FHL2: variants seen among roughly 807,000 people sequenced by gnomAD.
FHL2 encodes the protein four and a half LIM domains 2, also known as four and a half LIM domains protein 2.
A neutral mutation model predicts 32.7 loss-of-function variants in FHL2; 20 were observed. That is an observed-to-expected ratio of 0.61 (90% CI 0.43 to 0.89). The LOEUF (loss-of-function observed/expected upper bound fraction) is 0.89, where lower values mean the gene tolerates loss of function less well. Ranked by LOEUF, FHL2 falls within the 40% of genes least tolerant of loss-of-function variation. FHL2 has a pLI of 0.00. For missense variants in FHL2, 311 were observed against 358.6 expected (o/e 0.87, Z 1.07); for synonymous variants, 123 against 128.1 (o/e 0.96, Z 0.27).
intron 2 of FHL2, among the ~76,000 whole-genome samples, chr2:105,392,517 G>A (rs985810870): frequency 6.6e-6 from 1 of 152,016 alleles, no homozygotes; most frequent in African/African-American, 2.4e-5. Flanking sequence ...TAAAAAGGAT[G>A]TAAGAATAAA....
intron 1 of FHL2, among the ~76,000 whole-genome samples, chr2:105,428,859 G>T (rs893678894): frequency 1.3e-5 from 2 of 152,246 alleles, no homozygotes; most frequent in African/African-American, 4.8e-5. Context: ...CACCCTGTTG[G>T]ATGGGAGGCA....
intron 1 of FHL2, among the ~76,000 whole-genome samples, chr2:105,406,286 A>G (rs546602287): frequency 4.3e-4 from 66 of 152,272 alleles, no homozygotes; most frequent in Non-Finnish European, 8.1e-4. Context: ...TAACACTATA[A>G]ATATACTTGG....
At chr2:105,398,722 C>T (rs773218135) in intron 1 of FHL2, 120 bp downstream of exon 1, 13 of 722,772 alleles carry the variant, frequency 1.8e-5, no homozygotes, top group African/African-American at 3.7e-5. Flanking sequence ...CCCCAGGGTT[C>T]GGCTCTCCTC....
intron 3 of FHL2, chr2:105,378,335 G>C (rs1681625091): frequency 2.6e-6 from 1 of 382,142 alleles, no homozygotes; most frequent in Admixed American, 3.2e-5. Context: ...GAGACCTTCT[G>C]CAGGCGCAGC....
chr2:105,363,068 T>C, intron 6 of FHL2: 1 of 555,502 alleles, frequency 1.8e-6, no homozygotes, highest in South Asian at 2.4e-5. Flanking sequence ...GGCCATATGG[T>C]TGTGATCAGG....
chr2:105,425,784 T>A (rs986495522), intron 1 of FHL2, among the ~76,000 whole-genome samples: 8 of 152,034 alleles, frequency 5.3e-5, no homozygotes, highest in African/African-American at 1.2e-4. Flanking sequence ...CATAGATTCT[T>A]TTGCTCACAT....
chr2:105,380,121 A>G (rs1681774888), intron 3 of FHL2, among the ~76,000 whole-genome samples: 1 of 152,206 alleles, frequency 6.6e-6, no homozygotes, highest in Non-Finnish European at 1.5e-5. Flanking sequence ...AGAGGAAGGT[A>G]ACTCAATACT....
upstream of FHL2, chr2:105,399,074 C>A: frequency 6.7e-7 from 1 of 1,489,432 alleles, no homozygotes; most frequent in Admixed American, 2.4e-5. Flanking sequence ...AGCTCCCGCC[C>A]TCGAGAAACC....
chr2:105,431,588 G>C (rs930948608), intron 1 of FHL2, among the ~76,000 whole-genome samples: 2 of 152,230 alleles, frequency 1.3e-5, no homozygotes, highest in African/African-American at 4.8e-5. Context: ...TAGATGGACA[G>C]AGAGAGAAGG....
At chr2:105,383,627 G>A (rs1355413224) in intron 3 of FHL2, among the ~76,000 whole-genome samples, 1 of 152,156 alleles carries the variant, frequency 6.6e-6, no homozygotes, top group Non-Finnish European at 1.5e-5. Flanking sequence ...GGCCTGTGGT[G>A]GCTGTGCTAT....
chr2:105,387,901 T>C (rs927956423), intron 2 of FHL2, among the ~76,000 whole-genome samples: 1 of 152,192 alleles, frequency 6.6e-6, no homozygotes. Flanking sequence ...GTGGTACATA[T>C]ACATCATGAA....
At chr2:105,378,599 G>T (rs1168810672) in intron 3 of FHL2, 1 of 159,094 alleles carries the variant, frequency 6.3e-6, no homozygotes, top group Non-Finnish European at 1.4e-5. Context: ...AAGTGCCTTT[G>T]CCTGCCCAGG....
intron 4 of FHL2, among the ~76,000 whole-genome samples, chr2:105,370,007 T>C (rs1326517912): frequency 6.6e-6 from 1 of 152,140 alleles, no homozygotes; most frequent in Non-Finnish European, 1.5e-5. Flanking sequence ...CCTAACTGAA[T>C]CGCACACTCT....
At chr2:105,436,772 CTA>C (rs1347660619) in intron 1 of FHL2, among the ~76,000 whole-genome samples, 1 of 152,090 alleles carries the variant, frequency 6.6e-6, no homozygotes, top group African/African-American at 2.4e-5. Context: ...AGTAGTAAGA[CTA>C]TATATGATTT....
intron 2 of FHL2, among the ~76,000 whole-genome samples, chr2:105,389,264 C>T (rs532919769): frequency 2.0e-5 from 3 of 152,310 alleles, no homozygotes; most frequent in East Asian, 1.9e-4. Context: ...TGAAGCCCAA[C>T]GTATAAATAT....
intron 1 of FHL2, among the ~76,000 whole-genome samples, chr2:105,438,121 C>T (rs890756989): frequency 1.3e-5 from 2 of 152,226 alleles, no homozygotes; most frequent in African/African-American, 4.8e-5. Flanking sequence ...AATCTCTCCT[C>T]ATTCCCAATG....
chr2:105,397,688 C>T (rs758204915), intron 1 of FHL2, among the ~76,000 whole-genome samples: 25 of 152,126 alleles, frequency 1.6e-4, no homozygotes, highest in Non-Finnish European at 3.4e-4. Context: ...TAATAAACAC[C>T]GTGGAAACAC....
upstream of FHL2, among the ~76,000 whole-genome samples, chr2:105,402,840 G>A (rs1276910811): frequency 6.6e-6 from 1 of 152,210 alleles, no homozygotes; most frequent in East Asian, 1.9e-4. Context: ...ATGGCACATA[G>A]TATGTGCTTA....
upstream of FHL2, among the ~76,000 whole-genome samples, chr2:105,403,427 CCTT>C (rs1249651776): frequency 3.3e-5 from 5 of 152,178 alleles, no homozygotes; most frequent in African/African-American, 1.2e-4. Context: ...TCCTGACATT[CCTT>C]CTTGAGACAA....
Sources: gnomAD v4.1 joint callset for allele counts (sites outside exome capture counted in the v4.1 genomes callset) on GRCh38, gnomAD v4.1.1 for gene constraint, MANE v1.5 for transcripts, NCBI Gene and HGNC (gene_info 2026-07-23, HGNC 2026-07-21) for gene names.